Variants in WASL observed in about 807,000 individuals in gnomAD.
The protein encoded by WASL is WASP like actin nucleation promoting factor, also known as actin nucleation-promoting factor WASL.
A neutral mutation model predicts 55.5 loss-of-function variants in WASL; 20 were observed. The observed-to-expected ratio is 0.36, with a 90% CI of 0.25 to 0.52. WASL has a LOEUF of 0.52. Ranked by LOEUF, WASL falls within the 20% of genes least tolerant of loss-of-function variation. The probability of loss-of-function intolerance (pLI) is 0.92; values close to 1 mark genes in which losing one functional copy is unlikely to be tolerated. For missense variants in WASL, 504 were observed against 622.5 expected (o/e 0.81, Z 2.03); for synonymous variants, 249 against 217.6 (o/e 1.14, Z -1.27).
intron 1 of WASL, among the ~76,000 whole-genome samples, chr7:123,710,726 A>G (rs748992899): frequency 7.9e-5 from 12 of 152,092 alleles, no homozygotes; most frequent in Non-Finnish European, 1.6e-4. Context: ...AAAAATTATG[A>G]TAACTTAAAA....
intron 8 of WASL, among the ~76,000 whole-genome samples, chr7:123,694,219 T>C (rs932405624): frequency 6.6e-6 from 1 of 152,188 alleles, no homozygotes; most frequent in African/African-American, 2.4e-5. Flanking sequence ...CGAGGTCCTT[T>C]AAAATAAATA....
Position 123,682,488 on chromosome 7 carries a change from G to A in WASL, c.*2031C>T, listed in dbSNP as rs1201110931. 3 of 152,048 alleles carry A rather than the reference G, an allele frequency of 2.0e-5. No homozygotes were observed. Among genetic ancestry groups the A allele is most frequent in the Middle Eastern group, 3.2e-3 (1 of 316 alleles). 9.4% of individuals were successfully genotyped at this position (152,048 alleles called of 1,614,324 possible). On this transcript the variant is annotated 3_prime_UTR_variant, in exon 11 of 11. Transcript: ENST00000223023. ...ATGTTTAAAATTGTGCTTTGAACTCGAAGAATGGGTACTCTCTGCTGAGAG... is the reference window on the plus strand; with the variant it reads ...ATGTTTAAAATTGTGCTTTGAACTCAAAGAATGGGTACTCTCTGCTGAGAG...
At chr7:123,728,173 A>G (rs563340591) in intron 1 of WASL, among the ~76,000 whole-genome samples, 1 of 152,330 alleles carries the variant, frequency 6.6e-6, no homozygotes, top group Non-Finnish European at 1.5e-5. Flanking sequence ...CATTTTACAG[A>G]ATGAAATACA....
At chr7:123,708,020 A>G (rs1350712317) in intron 2 of WASL, among the ~76,000 whole-genome samples, 7 of 152,062 alleles carry the variant, frequency 4.6e-5, no homozygotes, top group African/African-American at 1.7e-4. Context: ...ACCCATCTCT[A>G]TAAGAAAATA....
intron 1 of WASL, among the ~76,000 whole-genome samples, chr7:123,739,406 T>C (rs1156812614): frequency 1.3e-5 from 2 of 152,238 alleles, no homozygotes; most frequent in Non-Finnish European, 2.9e-5. Context: ...CCCCAACTAA[T>C]GATGGTTCCA....
chr7:123,694,595 C>CT, intron 8 of WASL, 120 bp downstream of exon 8: 1 of 996,490 alleles, frequency 1.0e-6, no homozygotes, highest in Non-Finnish European at 1.5e-6. Flanking sequence ...CATTAGTTGT[C>CT]CATAGACTTC....
chr7:123,696,568 A>T lies in WASL; in HGVS notation c.629+11T>A, dbSNP rs1199714514. 6.4e-7 allele frequency: 1 copy of T among 1,553,524 alleles called. No individual in the cohort carries two copies. The highest frequency in any genetic ancestry group is 1.3e-5 in the South Asian group (1 of 77,982). On this transcript the variant is annotated intron_variant, in intron 6 of 10. Coordinates refer to ENST00000223023, the MANE Select transcript of WASL (RefSeq NM_003941.4). Reference sequence around the variant, plus strand: ...AAAGTGAAGATAAGAACAACAAAAGAACTGTCTTACTGGAAATTGCTTGGT... The same window carrying T: ...AAAGTGAAGATAAGAACAACAAAAGTACTGTCTTACTGGAAATTGCTTGGT...
In WASL at chr7:123,748,893, C is replaced by A. The variant is rs958942793; in HGVS notation, c.-159G>T. 1.6e-5 allele frequency: 10 copies of A among 615,598 alleles called. No individual in the cohort carries two copies. The highest frequency in any genetic ancestry group is 5.5e-6 in the Non-Finnish European group (2 of 366,918). 38.1% of individuals were successfully genotyped at this position (615,598 alleles called of 1,614,324 possible). On this transcript the variant is annotated 5_prime_UTR_variant, in exon 1 of 11. Coordinates refer to ENST00000223023, the MANE Select transcript of WASL (RefSeq NM_003941.4). Reference sequence around the variant, plus strand: ...GGGAGGAGGACGAGGTCGAGGGAAGCAGGCGCTGACGGCGAGCCACCTTCG... The same window carrying A: ...GGGAGGAGGACGAGGTCGAGGGAAGAAGGCGCTGACGGCGAGCCACCTTCG...
intron 1 of WASL, among the ~76,000 whole-genome samples, chr7:123,719,359 G>C (rs1803898262): frequency 6.6e-6 from 1 of 152,294 alleles, no homozygotes; most frequent in Non-Finnish European, 1.5e-5. Flanking sequence ...TCCCAAAAGT[G>C]AAGTACCCTC....
intron 1 of WASL, among the ~76,000 whole-genome samples, chr7:123,726,530 C>G (rs887511319): frequency 2.6e-5 from 4 of 152,094 alleles, no homozygotes; most frequent in Admixed American, 1.3e-4. Context: ...GATACATTAG[C>G]CTCACCAAAA....
At chr7:123,739,596 T>C (rs1229965826) in intron 1 of WASL, among the ~76,000 whole-genome samples, 1 of 152,162 alleles carries the variant, frequency 6.6e-6, no homozygotes, top group Non-Finnish European at 1.5e-5. Flanking sequence ...TGCCCAACTG[T>C]AGGTTATTGT....
At chr7:123,720,556 C>G (rs1455700431) in intron 1 of WASL, among the ~76,000 whole-genome samples, 1 of 151,930 alleles carries the variant, frequency 6.6e-6, no homozygotes, top group Admixed American at 6.6e-5. Context: ...TTTAAAGGTT[C>G]TGTGTGTGGA....
At chr7:123,700,194 AAAAAAAAAAAAAAC>A (rs1803560788) in intron 5 of WASL, among the ~76,000 whole-genome samples, 5 of 148,790 alleles carry the variant, frequency 3.4e-5, no homozygotes, top group Admixed American at 1.3e-4. Flanking sequence ...AAAAAAAAAA[AAAAAAAAAAAAAAC>A]AACATTATTT....
intron 1 of WASL, among the ~76,000 whole-genome samples, chr7:123,732,021 T>C (rs1212895934): frequency 1.3e-5 from 2 of 152,038 alleles, no homozygotes; most frequent in African/African-American, 2.4e-5. Context: ...AAGACACAAA[T>C]TACTAACATA....
intron 7 of WASL, among the ~76,000 whole-genome samples, chr7:123,695,157 A>G (rs1277685913): frequency 6.6e-6 from 1 of 152,048 alleles, no homozygotes; most frequent in Admixed American, 6.6e-5. Context: ...CCTTGTCCTA[A>G]GTAAGTATGT....
chr7:123,724,813 A>G (rs978053389), intron 1 of WASL, among the ~76,000 whole-genome samples: 1 of 152,158 alleles, frequency 6.6e-6, no homozygotes, highest in African/African-American at 2.4e-5. Flanking sequence ...AACTAATCAT[A>G]AACATTTATA....
chr7:123,716,470 T>C (rs932488076), intron 1 of WASL, among the ~76,000 whole-genome samples: 10 of 151,954 alleles, frequency 6.6e-5, no homozygotes, highest in East Asian at 5.8e-4. Flanking sequence ...TGCTTGACGA[T>C]TGCTTGAACT....
At chr7:123,704,121 CA>C (rs1397299200) in intron 5 of WASL, among the ~76,000 whole-genome samples, 2 of 152,116 alleles carry the variant, frequency 1.3e-5, no homozygotes, top group East Asian at 3.8e-4. Flanking sequence ...GAGCATTATA[CA>C]GAGCTAAATT....
intron 1 of WASL, among the ~76,000 whole-genome samples, chr7:123,741,581 C>G (rs979200101): frequency 6.6e-6 from 1 of 151,978 alleles, no homozygotes; most frequent in Non-Finnish European, 1.5e-5. Flanking sequence ...AAAGTTCAAC[C>G]CTTATCTGCT....
Sources: gnomAD v4.1 joint callset for allele counts (sites outside exome capture counted in the v4.1 genomes callset) on GRCh38, gnomAD v4.1.1 for gene constraint, MANE v1.5 for transcripts, NCBI Gene and HGNC (gene_info 2026-07-23, HGNC 2026-07-21) for gene names.